SMTN: variants seen among roughly 807,000 people sequenced by gnomAD.
The protein encoded by SMTN is smoothelin.
In SMTN, 58 loss-of-function variants were observed where a neutral mutation model predicts 102.0. The ratio of observed to expected loss-of-function variants is 0.57; its 90% CI spans 0.46 to 0.71. The LOEUF is 0.71. SMTN is among the 30% of genes least tolerant of loss of function. The pLI is 0.00. For synonymous variants in SMTN, 478 were observed against 497.9 expected (o/e 0.96, Z 0.53); for missense variants, 1,185 against 1,241.7 (o/e 0.95, Z 0.69).
In SMTN at chr22:31,099,047, A is replaced by T; in HGVS notation, c.2334-15A>T. 6.2e-7 allele frequency: 1 copy of T among 1,607,730 alleles called. No homozygotes were observed. Among genetic ancestry groups the T allele is most frequent in the Middle Eastern group, 1.7e-4 (1 of 6,058 alleles). ...CTTATAGTCGTGTGACCTGGTCCTG[A>T]CACCGCCCCTACAGCAGCCCTGGCG... On this transcript the variant is annotated splice_polypyrimidine_tract_variant and intron_variant, in intron 17 of 20. Coordinates refer to ENST00000333137, the MANE Select transcript of SMTN (RefSeq NM_134269.3).
intron 2 of SMTN, among the ~76,000 whole-genome samples, chr22:31,086,518 T>C (rs1003315173): frequency 6.6e-6 from 1 of 152,156 alleles, no homozygotes; most frequent in African/African-American, 2.4e-5. Flanking sequence ...TTTGCCCCCT[T>C]GTCTCTCTCC....
chr22:31,076,010 C>A (rs1013274628), intron 1 of SMTN, among the ~76,000 whole-genome samples: 2 of 146,662 alleles, frequency 1.4e-5, no homozygotes, highest in East Asian at 1.9e-4. Flanking sequence ...TTAGGCCCGG[C>A]GTCCTCATCT....
chr22:31,069,296 G>C (rs1314684878), intron 1 of SMTN, among the ~76,000 whole-genome samples: 1 of 152,070 alleles, frequency 6.6e-6, no homozygotes, highest in African/African-American at 2.4e-5. Context: ...TCGCTTCAAA[G>C]TCCCAAATTC....
intron 20 of SMTN, 84 bp from the exon 21 acceptor site, chr22:31,104,232 G>T: frequency 6.7e-7 from 1 of 1,482,224 alleles, no homozygotes. Context: ...AGGCAATGCG[G>T]CAATAAAAAA....
Position 31,090,946 on chromosome 22 carries a change from T to C in SMTN, c.938-15T>C. The C allele has an allele frequency of 6.2e-7, 1 of 1,612,874 alleles. No individual in the cohort carries two copies. The highest frequency in any genetic ancestry group is 8.5e-7 in the Non-Finnish European group (1 of 1,179,108). On this transcript the variant is annotated splice_polypyrimidine_tract_variant and intron_variant, in intron 9 of 20. Coordinates refer to ENST00000333137, the MANE Select transcript of SMTN (RefSeq NM_134269.3). ...TGTCCCACCCAGTTGCTGACAGCCC[T>C]CCTGTTCCTTCTAGAGTCCACCCCC...
chr22:31,069,139 G>T (rs1208360150), intron 1 of SMTN, among the ~76,000 whole-genome samples: 1 of 152,174 alleles, frequency 6.6e-6, no homozygotes, highest in East Asian at 1.9e-4. Context: ...CGGAGGCGGG[G>T]TTTGCCCCCA....
chr22:31,073,267 G>A (rs1348825729), intron 1 of SMTN, among the ~76,000 whole-genome samples: 10 of 151,838 alleles, frequency 6.6e-5, no homozygotes, highest in Non-Finnish European at 1.3e-4. Context: ...ACGCACGCAC[G>A]CATGCACGCA....
chr22:31,086,977 C>T (rs1042030676), intron 2 of SMTN: 1 of 152,262 alleles, frequency 6.6e-6, no homozygotes, highest in Non-Finnish European at 1.5e-5. Flanking sequence ...GGCCCTACCC[C>T]TGAATGATTT....
At chr22:31,097,433 G>A in intron 16 of SMTN, 95 bp downstream of exon 16, 1 of 1,158,172 alleles carries the variant, frequency 8.6e-7, no homozygotes, top group African/African-American at 1.5e-5. Context: ...GCTGGGCACA[G>A]TGGCTCTTGC....
intron 2 of SMTN, among the ~76,000 whole-genome samples, chr22:31,087,574 C>G (rs535893281): frequency 6.6e-6 from 1 of 152,224 alleles, no homozygotes; most frequent in Non-Finnish European, 1.5e-5. Context: ...ACCTTTCCCT[C>G]TAGGGACCCT....
intron 1 of SMTN, among the ~76,000 whole-genome samples, chr22:31,072,587 A>C (rs61124312): frequency 6.6e-6 from 1 of 151,764 alleles, no homozygotes; most frequent in Admixed American, 6.6e-5. Flanking sequence ...TCAGCCTCCC[A>C]AGTAGCTGGG....
At position 31,088,006 on chromosome 22, in the gene SMTN, C is replaced by G; in HGVS notation, c.93C>G (p.Arg31=). ...TADLAERRRI[R]SAIRELQRQE... is the part of the protein sequence containing the mutation. The stretch of plus-strand genomic sequence containing the variant: ...ATCTGGCAGAGCGGCGGCGCATCCG[C>G]TCAGCCATCCGGGAACTGCAGCGGC... The change falls in exon 3 of 21, where the codon CGC becomes CGG. Residue 31 remains arginine (R), a synonymous_variant. Transcript: ENST00000333137. The G allele has an allele frequency of 1.2e-6, 2 of 1,610,202 alleles. No individual in the cohort carries two copies. The highest frequency in any genetic ancestry group is 1.7e-6 in the Non-Finnish European group (2 of 1,177,406).
At position 31,097,056 on chromosome 22, in the gene SMTN, G is replaced by A. The variant is rs773385962; in HGVS notation, c.2085G>A (p.Ser695=). 3.6e-5 allele frequency: 58 copies of A among 1,613,846 alleles called. 1 individual carries two copies. The highest frequency in any genetic ancestry group is 7.7e-5 in the South Asian group (7 of 91,084). Residue 695 remains serine (S), a synonymous_variant, in exon 15 of 21, where the codon TCG becomes TCA. Transcript: ENST00000333137. ...TGGAGTCGAGTTTCGTGAGGCGCTC[G>A]GAGAGTAAGGCCACCTGGTGTCGCC... ...TTVESSFVRR[S]ENGSGSTMMQ...
At chr22:31,090,716 T>G (rs1602628356) in intron 8 of SMTN, 92 bp from the exon 9 acceptor site, 1 of 989,580 alleles carries the variant, frequency 1.0e-6, no homozygotes, top group South Asian at 1.4e-5. Context: ...GCTAGGGAGG[T>G]GTAGAGGAGA....
intron 1 of SMTN, chr22:31,082,966 G>T: frequency 2.0e-6 from 3 of 1,482,516 alleles, no homozygotes; most frequent in Non-Finnish European, 2.8e-6. Flanking sequence ...GGCCAAGCTG[G>T]CAGGGCTGGA....
chr22:31,085,051 AT>A, intron 2 of SMTN: 1 of 1,519,088 alleles, frequency 6.6e-7, no homozygotes, highest in Admixed American at 2.0e-5. Context: ...GCTCCCGCAC[AT>A]TCTTGAGGAT....
At chr22:31,092,319 C>T (rs995928883) in intron 11 of SMTN, 12 of 411,564 alleles carry the variant, frequency 2.9e-5, no homozygotes, top group Non-Finnish European at 5.7e-5. Context: ...TAGTGATTAG[C>T]ATCTGCGTCA....
chr22:31,103,863 C>T (rs1464004551), intron 20 of SMTN: 1 of 161,884 alleles, frequency 6.2e-6, no homozygotes, highest in African/African-American at 2.4e-5. Context: ...CGGTGGACCA[C>T]AGGGCCACTA....
intron 2 of SMTN, chr22:31,085,066 GC>G: frequency 1.3e-6 from 2 of 1,532,448 alleles, no homozygotes; most frequent in Non-Finnish European, 1.7e-6. Flanking sequence ...TGAGGATTGG[GC>G]CGGGGATGGG....
Sources: allele counts gnomAD v4.1 joint callset (sites outside exome capture counted in the v4.1 genomes callset), GRCh38; gene constraint gnomAD v4.1.1; transcripts MANE v1.5; gene names NCBI Gene and HGNC (gene_info 2026-07-23, HGNC 2026-07-21).